The following SSH2 variants were observed in gnomAD, a reference collection of about 807,000 sequenced individuals.
SSH2 encodes protein phosphatase Slingshot homolog 2.
A neutral mutation model predicts 135.2 loss-of-function variants in SSH2; 37 were observed. That is an observed-to-expected ratio of 0.27 (90% confidence interval 0.21 to 0.36). The LOEUF (loss-of-function observed/expected upper bound fraction) is 0.36. Ranked by LOEUF, SSH2 falls within the 10% of genes least tolerant of loss-of-function variation. The pLI is 1.00. For missense variants in SSH2, 1,408 were observed against 1,765.3 expected, an observed-to-expected ratio of 0.80 and a Z score of 3.63; for synonymous variants, 628 against 646.2, an observed-to-expected ratio of 0.97 and a Z score of 0.43.
At chr17:29,849,602 G>A (rs1240153669) in intron 1 of SSH2, among the ~76,000 whole-genome samples, 1 of 151,514 alleles carries the variant, frequency 6.6e-6, no homozygotes, top group East Asian at 1.9e-4. Flanking sequence ...CACATTTGAT[G>A]TATTTGTTTA....
chr17:29,870,784 C>T (rs1478437852), intron 1 of SSH2, among the ~76,000 whole-genome samples: 1 of 152,146 alleles, frequency 6.6e-6, no homozygotes, highest in Admixed American at 6.6e-5. Context: ...ACCATGCCTT[C>T]ATTGTCTATT....
At chr17:29,851,161 G>A (rs992282873) in intron 1 of SSH2, among the ~76,000 whole-genome samples, 1 of 151,744 alleles carries the variant, frequency 6.6e-6, no homozygotes, top group African/African-American at 2.4e-5. Flanking sequence ...GAAAGCTAAA[G>A]GCTTAATAAT....
At chr17:29,791,917 CTTTTTT>C (rs36064413) in intron 3 of SSH2, among the ~76,000 whole-genome samples, 1 of 128,332 alleles carries the variant, frequency 7.8e-6, no homozygotes, top group African/African-American at 2.9e-5. Flanking sequence ...TCTTCTTCCT[CTTTTTT>C]TTTTTTTTTT....
chr17:29,761,504 G>A (rs1431328741), intron 3 of SSH2: 3 of 916,068 alleles, frequency 3.3e-6, no homozygotes, highest in Non-Finnish European at 3.9e-6. Context: ...AGCGGAGAGG[G>A]TAGGCCCGGC....
chr17:29,827,920 T>C (rs1324834760), intron 2 of SSH2, among the ~76,000 whole-genome samples: 1 of 152,192 alleles, frequency 6.6e-6, no homozygotes, highest in African/African-American at 2.4e-5. Flanking sequence ...TTACATATGA[T>C]AGAACCTCTG....
chr17:29,781,336 CAG>C (rs1338115980), intron 3 of SSH2, among the ~76,000 whole-genome samples: 2 of 152,034 alleles, frequency 1.3e-5, no homozygotes, highest in Middle Eastern at 3.4e-3. Flanking sequence ...AAAAAATAAA[CAG>C]AGCAAATACA....
intron 2 of SSH2, among the ~76,000 whole-genome samples, chr17:29,815,123 AT>A (rs71360722): frequency 0.54 from 53,020 of 97,998 alleles, 11,682 homozygotes; most frequent in East Asian, 0.64. Context: ...TATTTTTTGT[AT>A]TTTTTTTTTT....
intron 4 of SSH2, among the ~76,000 whole-genome samples, chr17:29,697,274 A>T (rs1240621720): frequency 1.3e-5 from 2 of 152,222 alleles, no homozygotes; most frequent in South Asian, 4.1e-4. Context: ...TTAAAGTCTA[A>T]GGTGACTGAC....
At position 29,697,674 on chromosome 17, in the gene SSH2, C is replaced by A. The variant is rs188730822; in HGVS notation, c.293-2151G>T. Among the ~76,000 whole-genome samples, 5 of 152,202 alleles carry A rather than the reference C, an allele frequency of 3.3e-5. No homozygotes were observed. The East Asian group carries it at 9.7e-4, about 29-fold the overall frequency. ...ATAAATAAACAAAAACCAAACAACT[C>A]CCCCACCCCAAACCAAAAAGGATGG... On this transcript the variant is annotated intron_variant, in intron 4 of 15. Transcript: ENST00000540801.
Position 29,663,922 on chromosome 17 carries a change from T to C in SSH2, c.1032+2945A>G, listed in dbSNP as rs1044504079. ...CCACTCTGGTGGAGGATGTTGACAA[T>C]GGGGGAAACTATGCATGTGTTGGGA... On this transcript the variant is annotated intron_variant, in intron 11 of 15. Transcript: ENST00000540801. 5.9e-5 allele frequency among the ~76,000 whole-genome samples: 9 copies of C among 152,152 alleles called. No homozygotes were observed. The South Asian group carries it at 6.2e-4, about 11-fold the overall frequency.
intron 3 of SSH2, among the ~76,000 whole-genome samples, chr17:29,727,220 T>C (rs2040032065): frequency 6.6e-6 from 1 of 152,070 alleles, no homozygotes; most frequent in African/African-American, 2.4e-5. Context: ...AAACCAATAA[T>C]AGACAAAGAA....
chr17:29,913,692 T>TGGCGCAATCTCGGCTC (rs1283425495), intron 1 of SSH2, among the ~76,000 whole-genome samples: 1 of 151,618 alleles, frequency 6.6e-6, no homozygotes, highest in Non-Finnish European at 1.5e-5. Flanking sequence ...TGGAGTACAA[T>TGGCGCAATCTCGGCTC]GGCGCAATCT....
intron 7 of SSH2, 117 bp downstream of exon 7, chr17:29,677,556 G>C: frequency 1.2e-6 from 1 of 814,378 alleles, no homozygotes. Flanking sequence ...TCATTCAGCT[G>C]TTGACATGAA....
At chr17:29,645,116 T>A (rs2036320000) in intron 14 of SSH2, 1 of 152,312 alleles carries the variant, frequency 6.6e-6, no homozygotes, top group Non-Finnish European at 1.5e-5. Context: ...AAGATGAGAA[T>A]CATATCTGAA....
intron 1 of SSH2, among the ~76,000 whole-genome samples, chr17:29,853,431 C>A (rs1218564871): frequency 6.6e-6 from 1 of 151,760 alleles, no homozygotes; most frequent in Admixed American, 6.6e-5. Context: ...TAGGCCTTTA[C>A]CTCAACCTTG....
intron 9 of SSH2, 85 bp from the exon 10 acceptor site, chr17:29,667,308 T>C (rs1598754422): frequency 4.8e-6 from 5 of 1,043,568 alleles, no homozygotes; most frequent in East Asian, 5.0e-5. Flanking sequence ...AGAATGATCC[T>C]GTCTTCTTCA....
chr17:29,710,587 G>T (rs747033191), intron 3 of SSH2, among the ~76,000 whole-genome samples: 2 of 152,166 alleles, frequency 1.3e-5, no homozygotes, highest in Non-Finnish European at 2.9e-5. Context: ...AAGGTGCTAG[G>T]ACAGCTTCTG....
At chr17:29,774,570 A>AT (rs112444964) in intron 3 of SSH2, among the ~76,000 whole-genome samples, 2,238 of 152,290 alleles carry the variant, frequency 0.015, 57 homozygotes, top group African/African-American at 0.05. Context: ...CAGCTTATTA[A>AT]TTTTTTAAAG....
chr17:29,702,752 T>C (rs2039038425), intron 4 of SSH2, among the ~76,000 whole-genome samples: 2 of 152,214 alleles, frequency 1.3e-5, no homozygotes, highest in East Asian at 1.9e-4. Flanking sequence ...CCAACAAAAA[T>C]GTATTGAACA....
Sources: allele counts gnomAD v4.1 joint callset (sites outside exome capture counted in the v4.1 genomes callset), GRCh38; gene constraint gnomAD v4.1.1; transcripts MANE v1.5; gene names NCBI Gene and HGNC (gene_info 2026-07-23, HGNC 2026-07-21).